Variants in TRERF1 observed in about 807,000 individuals in gnomAD.
TRERF1 encodes the protein transcriptional-regulating factor 1.
Under a neutral mutation model 122.9 loss-of-function variants are expected in TRERF1, and 27 were observed. The ratio of observed to expected loss-of-function variants is 0.22; its 90% confidence interval spans 0.16 to 0.30. The LOEUF is 0.30. Ranked by LOEUF, TRERF1 falls within the 10% of genes least tolerant of loss-of-function variation. The probability of loss-of-function intolerance (pLI) is 1.00; values close to 1 mark genes in which losing one functional copy is unlikely to be tolerated. For synonymous variants in TRERF1, 636 were observed against 641.7 expected (o/e 0.99, Z 0.13); for missense variants, 1,248 against 1,560.3 (o/e 0.80, Z 3.37).
At position 42,257,544 on chromosome 6, in the gene TRERF1, A is replaced by C. The variant is rs1776995269; in HGVS notation, c.2337-442T>G. On this transcript the variant is annotated intron_variant, in intron 10 of 17. Coordinates refer to ENST00000372922, the Ensembl canonical transcript of TRERF1. The stretch of plus-strand genomic sequence containing the variant: ...TGATGTAAGCAAGGCTGGAATAATT[A>C]CTCCCATTTGACGAGTCAACTAAAC... 1.3e-5 allele frequency among the ~76,000 whole-genome samples: 2 copies of C among 152,198 alleles called. 1 individual carries two copies. The highest frequency in any genetic ancestry group is 4.1e-4 in the South Asian group (2 of 4,828).
At chr6:42,316,067 C>T (rs1473368173) in intron 3 of TRERF1, among the ~76,000 whole-genome samples, 2 of 152,146 alleles carry the variant, frequency 1.3e-5, no homozygotes, top group Non-Finnish European at 1.5e-5. Flanking sequence ...GGCACCTGGA[C>T]GTCAGGCTGC....
intron 15 of TRERF1, among the ~76,000 whole-genome samples, chr6:42,242,878 A>G (rs1774007734): frequency 1.3e-5 from 2 of 152,150 alleles, no homozygotes; most frequent in Admixed American, 6.5e-5. Context: ...TCAGGTCAGT[A>G]GCATCTATGA....
At chr6:42,362,725 A>G (rs1330871814) in intron 3 of TRERF1, among the ~76,000 whole-genome samples, 2 of 152,198 alleles carry the variant, frequency 1.3e-5, no homozygotes. Flanking sequence ...ACTACCATCC[A>G]TGGACATCCA....
rs750195550 is a variant in TRERF1, at chr6:42,268,847, T to C, written c.744A>G (p.Gly248=). 1 of 1,613,998 alleles carries C rather than the reference T, an allele frequency of 6.2e-7. No individual in the cohort carries two copies. Among genetic ancestry groups the C allele is most frequent in the Admixed American group, 1.7e-5 (1 of 60,000 alleles). Reference sequence around the variant, plus strand: ...GCATCTGTGGGGCCTGCAGTGGCTGTCCTCCCTGCACTGGCACCTGAGCCA... The same window carrying C: ...GCATCTGTGGGGCCTGCAGTGGCTGCCCTCCCTGCACTGGCACCTGAGCCA... Residue 248 remains glycine (G), a synonymous_variant, in exon 5 of 18, where the codon GGA becomes GGG. Coordinates refer to ENST00000372922, the Ensembl canonical transcript of TRERF1. This position sits in a 1 kb window ranked among gnomAD's most constrained non-coding sequence, Gnocchi z 4.4.
intron 3 of TRERF1, among the ~76,000 whole-genome samples, chr6:42,314,953 C>G (rs1383439617): frequency 1.3e-5 from 2 of 152,050 alleles, no homozygotes; most frequent in African/African-American, 2.4e-5. Context: ...TTAGGAAAGG[C>G]CAAGGTAAGG....
intron 2 of TRERF1, among the ~76,000 whole-genome samples, chr6:42,416,097 A>AT (rs1781796822): frequency 6.6e-6 from 1 of 152,200 alleles, no homozygotes; most frequent in Admixed American, 6.5e-5. Context: ...TTCTTCCATC[A>AT]TATTTTCTAG....
chr6:42,438,877 G>A (rs185500935), intron 2 of TRERF1, among the ~76,000 whole-genome samples: 1 of 152,080 alleles, frequency 6.6e-6, no homozygotes, highest in Non-Finnish European at 1.5e-5. Context: ...CACAGCATAC[G>A]GCCTGCCCTG....
At chr6:42,329,595 C>T (rs868749674) in intron 3 of TRERF1, among the ~76,000 whole-genome samples, 8 of 152,148 alleles carry the variant, frequency 5.3e-5, no homozygotes, top group Middle Eastern at 3.2e-3. Flanking sequence ...GCCAGCCCAT[C>T]CCTCAGGTCC....
intron 3 of TRERF1, among the ~76,000 whole-genome samples, chr6:42,357,535 C>T (rs570530153): frequency 1.1e-3 from 161 of 152,230 alleles, no homozygotes; most frequent in African/African-American, 3.5e-3. Context: ...TCTGAGATCA[C>T]GTCCTTGTTT....
At chr6:42,359,247 T>C (rs1030414324) in intron 3 of TRERF1, among the ~76,000 whole-genome samples, 2 of 152,200 alleles carry the variant, frequency 1.3e-5, no homozygotes, top group African/African-American at 4.8e-5. Context: ...ATTCATCATA[T>C]TGTCAGCTGA....
intron 8 of TRERF1, among the ~76,000 whole-genome samples, chr6:42,262,095 G>A (rs1165461285): frequency 2.0e-5 from 3 of 151,992 alleles, no homozygotes; most frequent in Non-Finnish European, 2.9e-5. Context: ...GCCAAAGCAC[G>A]AACTTCCCTG....
At position 42,336,710 on chromosome 6, in the gene TRERF1, C is replaced by T. The variant is rs116718838; in HGVS notation, c.-371+26287G>A. ...GAGGAGCATGAACTAAGTAAGGAAA[C>T]GGTGGCTCAGGGAAAACTCACAGCA... On this transcript the variant is annotated intron_variant, in intron 3 of 17. Coordinates refer to ENST00000372922, the Ensembl canonical transcript of TRERF1. 1.9e-3 allele frequency among the ~76,000 whole-genome samples: 284 copies of T among 152,284 alleles called. 1 individual carries two copies. The highest frequency in any genetic ancestry group is 6.3e-3 in the African/African-American group (260 of 41,568).
intron 3 of TRERF1, among the ~76,000 whole-genome samples, chr6:42,324,980 A>G (rs1389182125): frequency 6.6e-6 from 1 of 152,188 alleles, no homozygotes; most frequent in Non-Finnish European, 1.5e-5. Context: ...ACAGAATGGG[A>G]GAAAATGTTT....
At position 42,263,135 on chromosome 6, in the gene TRERF1, G is replaced by T. The variant is rs981163013; in HGVS notation, c.1884+185C>A. 3.0e-6 allele frequency: 4 copies of T among 1,323,526 alleles called. No individual in the cohort carries two copies. The highest frequency in any genetic ancestry group is 2.3e-5 in the South Asian group (1 of 42,854). The allele number at this position is 1,323,526 out of a possible 1,614,324, so 82.0% of individuals were successfully genotyped here. A position where few individuals can be genotyped will look rare whatever the true frequency, so the allele number is the denominator to read the frequency against. On this transcript the variant is annotated intron_variant, in intron 8 of 17. Coordinates refer to ENST00000372922, the Ensembl canonical transcript of TRERF1. This position sits in a 1 kb window ranked among gnomAD's most constrained non-coding sequence, Gnocchi z 5.6. Reference sequence around the variant, plus strand: ...AGGGTAGGGTTCCCAATGTGGCCACGGGTTCAGCCCTGAGAGACCAAGCCG... The same window carrying T: ...AGGGTAGGGTTCCCAATGTGGCCACTGGTTCAGCCCTGAGAGACCAAGCCG...
chr6:42,305,053 G>A (rs1004422323), intron 3 of TRERF1, among the ~76,000 whole-genome samples: 4 of 152,160 alleles, frequency 2.6e-5, no homozygotes, highest in South Asian at 2.1e-4. Flanking sequence ...CACGTTGCTA[G>A]GACTTCCCAG....
intron 2 of TRERF1, among the ~76,000 whole-genome samples, chr6:42,388,246 A>T (rs1777140318): frequency 1.3e-5 from 2 of 150,220 alleles, no homozygotes; most frequent in East Asian, 1.9e-4. Flanking sequence ...TTTTTAGGCA[A>T]CTTTATTCAG....
At chr6:42,301,536 A>G (rs1276659361) in intron 3 of TRERF1, among the ~76,000 whole-genome samples, 1 of 152,344 alleles carries the variant, frequency 6.6e-6, no homozygotes, top group East Asian at 1.9e-4. Flanking sequence ...CCGAAGGACC[A>G]GTTTTTAAAA....
At chr6:42,225,497 G>A (rs1769394026) in exon 18 of TRERF1, 2 of 151,776 alleles carry the variant, frequency 1.3e-5, no homozygotes, top group Non-Finnish European at 2.9e-5. Context: ...GAAAAATTAT[G>A]AATATGCTAT....
rs75138255 is a variant in TRERF1, at chr6:42,275,487, G to A, written c.-258-5639C>T. On this transcript the variant is annotated intron_variant, in intron 4 of 17. Coordinates refer to ENST00000372922, the Ensembl canonical transcript of TRERF1. This position sits in a 1 kb window ranked among gnomAD's most constrained non-coding sequence, Gnocchi z 4.1. ...TGCACTGACCATGTCACAGTCAGGC[G>A]ACCCACTTCCGTGCCTGTCTGCACA... Among the ~76,000 whole-genome samples, 1,110 of 152,318 alleles carry A rather than the reference G, an allele frequency of 7.3e-3. 7 individuals are homozygous for A. Among genetic ancestry groups the A allele is most frequent in the Non-Finnish European group, 0.012 (820 of 68,036 alleles).
Sources: gnomAD v4.1 joint callset for allele counts (sites outside exome capture counted in the v4.1 genomes callset) on GRCh38, gnomAD v4.1.1 for gene constraint, Gnocchi (gnomAD v3.1) non-coding constraint, MANE v1.5 for transcripts, NCBI Gene and HGNC (gene_info 2026-07-23, HGNC 2026-07-21) for gene names.